The following BTAF1 variants were observed in gnomAD, a reference collection of about 807,000 sequenced individuals.
The protein encoded by BTAF1 is B-TFIID TATA-box binding protein associated factor 1.
In BTAF1, 38 loss-of-function variants were observed where a neutral mutation model predicts 227.1. The ratio of observed to expected loss-of-function variants is 0.17; its 90% CI spans 0.13 to 0.22. BTAF1 has a LOEUF of 0.22. Ranked by LOEUF, BTAF1 falls within the 10% of genes least tolerant of loss-of-function variation. BTAF1 has a pLI of 1.00. For missense variants in BTAF1, 1,598 were observed against 2,204.0 expected (o/e 0.73, Z 5.51); for synonymous variants, 742 against 751.9 (o/e 0.99, Z 0.21).
At chr10:92,015,717 ATGGCATTT>A in intron 32 of BTAF1, among the ~76,000 whole-genome samples, 1 of 152,228 alleles carries the variant, frequency 6.6e-6, no homozygotes. Flanking sequence ...CCAAAGAGAA[ATGGCATTT>A]TGGCTTTGTT....
Position 92,009,031 on chromosome 10 carries a change from T to C in BTAF1, c.3936-10T>C, listed in dbSNP as rs1459423444. ...AGCTGGTTAATTTATTGTGTTTTGC[T>C]ATTGTAAAGGGCCCAGGAATATGCA... On this transcript the variant is annotated splice_polypyrimidine_tract_variant and intron_variant, in intron 27 of 37. Transcript: ENST00000265990. 6.2e-7 allele frequency: 1 copy of C among 1,613,548 alleles called. No homozygotes were observed. The highest frequency in any genetic ancestry group is 8.5e-7 in the Non-Finnish European group (1 of 1,179,598).
intron 20 of BTAF1, among the ~76,000 whole-genome samples, chr10:91,991,089 A>G (rs1392678669): frequency 6.6e-6 from 1 of 151,110 alleles, no homozygotes; most frequent in Non-Finnish European, 1.5e-5. Context: ...TACTAAAAAT[A>G]CAAAAAATCA....
chr10:91,961,372 C>T (rs1005530396), intron 11 of BTAF1, among the ~76,000 whole-genome samples: 2 of 152,154 alleles, frequency 1.3e-5, no homozygotes, highest in Non-Finnish European at 2.9e-5. Flanking sequence ...TTCCCATGCT[C>T]ACTGTATAAC....
intron 13 of BTAF1, among the ~76,000 whole-genome samples, chr10:91,964,441 G>C (rs187768532): frequency 6.6e-6 from 1 of 151,660 alleles, no homozygotes; most frequent in South Asian, 2.1e-4. Context: ...TCATCGTCTT[G>C]TTCGTCTTAT....
intron 25 of BTAF1, among the ~76,000 whole-genome samples, chr10:91,999,761 G>A (rs199766656): frequency 1.3e-5 from 2 of 152,184 alleles, no homozygotes; most frequent in East Asian, 3.9e-4. Context: ...TAGTAGATAT[G>A]TAAATCATGT....
chr10:91,980,074 A>C (rs573042345), intron 14 of BTAF1, among the ~76,000 whole-genome samples: 1 of 152,284 alleles, frequency 6.6e-6, no homozygotes, highest in South Asian at 2.1e-4. Flanking sequence ...ATCATCTAGC[A>C]CAACAGCAGT....
At chr10:91,950,795 G>C (rs1845719266) in intron 4 of BTAF1, among the ~76,000 whole-genome samples, 1 of 150,662 alleles carries the variant, frequency 6.6e-6, no homozygotes, top group Non-Finnish European at 1.5e-5. Flanking sequence ...TACAGGTGTA[G>C]CTATAAAATA....
intron 12 of BTAF1, among the ~76,000 whole-genome samples, chr10:91,963,029 C>G (rs1025828670): frequency 3.3e-5 from 5 of 151,574 alleles, no homozygotes; most frequent in African/African-American, 1.2e-4. Flanking sequence ...CCCTCCCTGT[C>G]TCTCCTCTCC....
chr10:91,944,818 A>AGCATTTAAGTTG (rs1845249225), intron 4 of BTAF1, among the ~76,000 whole-genome samples: 1 of 152,250 alleles, frequency 6.6e-6, no homozygotes, highest in East Asian at 1.9e-4. Context: ...ATACCACATA[A>AGCATTTAAGTTG]CAGCATTTAA....
At chr10:91,941,498 C>T (rs149509851) in intron 3 of BTAF1, among the ~76,000 whole-genome samples, 60 of 152,224 alleles carry the variant, frequency 3.9e-4, no homozygotes, top group African/African-American at 1.4e-3. Flanking sequence ...GGAAGGAATA[C>T]AGAACATTTT....
At chr10:91,959,740 G>GTGTGTGTGTGTA (rs1239373067) in intron 9 of BTAF1, 45 bp from the exon 10 acceptor site, 9 of 226,554 alleles carry the variant, frequency 4.0e-5, no homozygotes, top group Admixed American at 2.2e-4. Context: ...GTGTGTGTGT[G>GTGTGTGTGTGTA]TATATATATA....
At chr10:91,936,072 A>G (rs1156291488) in intron 2 of BTAF1, among the ~76,000 whole-genome samples, 1 of 152,178 alleles carries the variant, frequency 6.6e-6, no homozygotes, top group Non-Finnish European at 1.5e-5. Context: ...TTAATGACTA[A>G]TAATTATATC....
intron 15 of BTAF1, among the ~76,000 whole-genome samples, 161 bp downstream of exon 15, chr10:91,980,719 A>T (rs1245462798): frequency 6.6e-6 from 1 of 152,200 alleles, no homozygotes; most frequent in East Asian, 1.9e-4. Flanking sequence ...TACATGTAGC[A>T]TGTAATAGTT....
chr10:91,929,806 T>C (rs866688479), intron 1 of BTAF1, among the ~76,000 whole-genome samples: 2 of 141,826 alleles, frequency 1.4e-5, no homozygotes, highest in South Asian at 4.3e-4. Context: ...CCTCCCGCAT[T>C]GGCCTCCCAA....
At chr10:91,939,337 C>T (rs1167835578) in intron 2 of BTAF1, among the ~76,000 whole-genome samples, 1 of 152,096 alleles carries the variant, frequency 6.6e-6, no homozygotes, top group Non-Finnish European at 1.5e-5. Context: ...ACTTTCAATT[C>T]TTTGTATTAA....
At chr10:91,953,949 G>C (rs922428698) in intron 6 of BTAF1, 76 bp downstream of exon 6, 2 of 1,545,724 alleles carry the variant, frequency 1.3e-6, no homozygotes, top group South Asian at 2.4e-5. Context: ...TTGATTTATA[G>C]AAACATTCTG....
chr10:91,994,835 G>C (rs1183159312), intron 23 of BTAF1, among the ~76,000 whole-genome samples, 191 bp downstream of exon 23: 2 of 152,164 alleles, frequency 1.3e-5, no homozygotes, highest in African/African-American at 4.8e-5. Context: ...CAGGCTGCTT[G>C]AATTTAATAG....
At position 92,013,992 on chromosome 10, in the gene BTAF1, T is replaced by G; in HGVS notation, c.4547T>G (p.Ile1516Ser). Residue 1516 changes from isoleucine to serine, a missense_variant, in exon 32 of 38, where the codon ATT becomes AGT. Transcript: ENST00000265990. ...GTTTTGCAGGATCTTCCACCTAAAA[T>G]TATTCAAGACTATTATTGTACTCTT... is the stretch of plus-strand genomic sequence containing the variant. ...EDVLQDLPPKIIQDYYCTLSP... is the reference protein window; with the variant it reads ...EDVLQDLPPKSIQDYYCTLSP... 6.2e-7 allele frequency: 1 copy of G among 1,613,722 alleles called. No homozygotes were observed. The highest frequency in any genetic ancestry group is 8.5e-7 in the Non-Finnish European group (1 of 1,179,916).
intron 26 of BTAF1, 95 bp downstream of exon 26, chr10:92,008,370 GT>G: frequency 8.2e-7 from 1 of 1,216,072 alleles, no homozygotes; most frequent in South Asian, 1.7e-5. Context: ...TTGAGACAGA[GT>G]CTTGCTCTGT....
Sources: allele counts gnomAD v4.1 joint callset (sites outside exome capture counted in the v4.1 genomes callset), GRCh38; gene constraint gnomAD v4.1.1; transcripts MANE v1.5; gene names NCBI Gene and HGNC (gene_info 2026-07-23, HGNC 2026-07-21).